Variants in TAAR5 observed in about 807,000 individuals in gnomAD.
The protein encoded by TAAR5 is trace amine associated receptor 5, also known as trace amine-associated receptor 5.
TAAR5 carries 27 observed loss-of-function variants against 21.1 expected under a neutral mutation model. The observed-to-expected ratio is 1.28, with a 90% CI of 0.94 to 1.76. TAAR5 has a LOEUF of 1.76. Ranked by LOEUF, TAAR5 falls within the 40% of genes most tolerant of loss-of-function variation. The pLI is 0.00. For missense variants in TAAR5, 495 were observed against 405.6 expected, an observed-to-expected ratio of 1.22 and a Z score of -1.89; for synonymous variants, 203 against 167.5, an observed-to-expected ratio of 1.21 and a Z score of -1.64.
the TAAR5 span, among the ~76,000 whole-genome samples, chr6:132,613,655 G>A: frequency 3.3e-5 from 5 of 152,174 alleles, no homozygotes; most frequent in Non-Finnish European, 7.3e-5. Flanking sequence ...ATATCATGGA[G>A]TTAATACTTG....
the TAAR5 span, among the ~76,000 whole-genome samples, chr6:132,602,327 C>A: frequency 6.6e-6 from 1 of 152,058 alleles, no homozygotes; most frequent in East Asian, 1.9e-4. Context: ...TCAGTGGGGG[C>A]CCTGAGCTTG....
chr6:132,600,786 AGGGAAGGAGGGGAG>A, the TAAR5 span, among the ~76,000 whole-genome samples: 1 of 141,328 alleles, frequency 7.1e-6, no homozygotes, highest in East Asian at 2.4e-4. Flanking sequence ...GGAGGGAAGG[AGGGAAGGAGGGGAG>A]GAAGGAAGGA....
the TAAR5 span, among the ~76,000 whole-genome samples, chr6:132,606,987 T>C: frequency 6.6e-6 from 1 of 152,008 alleles, no homozygotes; most frequent in African/African-American, 2.4e-5. Context: ...CTTGAGCCTA[T>C]GAGTTCAAGA....
chr6:132,597,533 T>C, the TAAR5 span, among the ~76,000 whole-genome samples: 1 of 152,202 alleles, frequency 6.6e-6, no homozygotes, highest in African/African-American at 2.4e-5. Flanking sequence ...TCCTTTTATT[T>C]GGAGATTCGC....
the TAAR5 span, among the ~76,000 whole-genome samples, chr6:132,604,128 C>G: frequency 7.2e-6 from 1 of 139,694 alleles, no homozygotes; most frequent in African/African-American, 2.6e-5. Context: ...CATATTTTTT[C>G]TTTTCTTTTT....
At chr6:132,590,391 T>A (rs1484544965), upstream of TAAR5, among the ~76,000 whole-genome samples, 2 of 152,248 alleles carry the variant, frequency 1.3e-5, no homozygotes, top group Non-Finnish European at 2.9e-5. Flanking sequence ...GGTATAACTA[T>A]TTGATAGGCA....
At chr6:132,616,277 TTTC>T in the TAAR5 span, among the ~76,000 whole-genome samples, 1 of 152,194 alleles carries the variant, frequency 6.6e-6, no homozygotes, top group South Asian at 2.1e-4. Context: ...AGTTAATAAT[TTTC>T]TTCTTTATTT....
In TAAR5 at chr6:132,589,279, G is replaced by A; in HGVS notation, c.408C>T (p.Ile136=). Residue 136 remains isoleucine (I), a synonymous_variant, in exon 1 of 1, where the codon ATC becomes ATT. Transcript: ENST00000258034. ...TGGAGGGATAGAGCAGGGGGTCACA[G>A]ATGGCACAGTGGCGGTCAATGGAAA... The part of the protein sequence containing the change: ...CFISIDRHCA[I]CDPLLYPSKF... 1 of 1,611,800 alleles carries A rather than the reference G, an allele frequency of 6.2e-7. No individual in the cohort carries two copies. Among genetic ancestry groups the A allele is most frequent in the East Asian group, 2.2e-5 (1 of 44,840 alleles).
chr6:132,594,592 G>A (rs1776951260), upstream of TAAR5: 1 of 152,174 alleles, frequency 6.6e-6, no homozygotes, highest in Non-Finnish European at 1.5e-5. Context: ...AAGGATCTGT[G>A]ATCGTCAAGA....
the TAAR5 span, among the ~76,000 whole-genome samples, chr6:132,604,693 G>T: frequency 6.6e-6 from 1 of 152,092 alleles, no homozygotes; most frequent in South Asian, 2.1e-4. Context: ...TCTTCGGGAA[G>T]AATTTCAAAA....
chr6:132,602,812 A>G, the TAAR5 span, among the ~76,000 whole-genome samples: 1 of 150,994 alleles, frequency 6.6e-6, no homozygotes, highest in Non-Finnish European at 1.5e-5. Context: ...TACCAAAAAA[A>G]TAAATACTGA....
chr6:132,601,026 A>G, the TAAR5 span, among the ~76,000 whole-genome samples: 28 of 54,426 alleles, frequency 5.1e-4, no homozygotes, highest in African/African-American at 4.0e-3. Context: ...GGGGGGAAGG[A>G]GGGAAGGAGG....
chr6:132,595,788 C>T, the TAAR5 span, among the ~76,000 whole-genome samples: 2 of 152,228 alleles, frequency 1.3e-5, no homozygotes, highest in East Asian at 3.9e-4. Flanking sequence ...TCCTGTCTCG[C>T]TTATATTGGA....
At chr6:132,604,996 C>A in the TAAR5 span, among the ~76,000 whole-genome samples, 1 of 152,186 alleles carries the variant, frequency 6.6e-6, no homozygotes, top group Non-Finnish European at 1.5e-5. Context: ...GGAACACAAC[C>A]AGCCCCAGGG....
chr6:132,600,237 C>A, the TAAR5 span, among the ~76,000 whole-genome samples: 1 of 151,990 alleles, frequency 6.6e-6, no homozygotes, highest in Non-Finnish European at 1.5e-5. Context: ...TGTTTAACTT[C>A]TTTTACCTAA....
chr6:132,615,705 T>A, the TAAR5 span, among the ~76,000 whole-genome samples: 1 of 152,176 alleles, frequency 6.6e-6, no homozygotes, highest in Admixed American at 6.5e-5. Flanking sequence ...GCAGGGTGAT[T>A]ATGTTTTGAA....
At chr6:132,615,915 A>T in the TAAR5 span, among the ~76,000 whole-genome samples, 1 of 149,490 alleles carries the variant, frequency 6.7e-6, no homozygotes, top group Admixed American at 6.8e-5. Flanking sequence ...CACACACACG[A>T]GATATAACTG....
chr6:132,592,544 T>C (rs1486326885), upstream of TAAR5, among the ~76,000 whole-genome samples: 2 of 152,174 alleles, frequency 1.3e-5, no homozygotes, highest in Non-Finnish European at 2.9e-5. Flanking sequence ...TAATCCTCAG[T>C]GTTGGAGGTG....
At chr6:132,600,331 C>T in the TAAR5 span, among the ~76,000 whole-genome samples, 2 of 152,158 alleles carry the variant, frequency 1.3e-5, no homozygotes, top group African/African-American at 4.8e-5. Flanking sequence ...CTGTTAATGG[C>T]TTTAGGTATT....
Sources: allele counts gnomAD v4.1 joint callset (sites outside exome capture counted in the v4.1 genomes callset), GRCh38; gene constraint gnomAD v4.1.1; transcripts MANE v1.5; gene names NCBI Gene and HGNC (gene_info 2026-07-23, HGNC 2026-07-21).